MYRIP: variants seen among roughly 807,000 people sequenced by gnomAD.
The protein encoded by MYRIP is myosin VIIA and Rab interacting protein.
MYRIP carries 49 observed loss-of-function variants against 98.0 expected under a neutral mutation model. The observed-to-expected ratio is 0.50, with a 90% CI of 0.40 to 0.63. MYRIP has a LOEUF of 0.63. MYRIP is among the 30% of genes least tolerant of loss of function. The probability of loss-of-function intolerance (pLI) is 0.00; values close to 1 mark genes in which losing one functional copy is unlikely to be tolerated. For synonymous variants in MYRIP, 404 were observed against 409.5 expected (o/e 0.99, Z 0.16); for missense variants, 1,004 against 1,058.2 (o/e 0.95, Z 0.71).
chr3:39,916,013 C>T (rs1277483285), intron 2 of MYRIP, among the ~76,000 whole-genome samples: 2 of 152,010 alleles, frequency 1.3e-5, no homozygotes, highest in East Asian at 3.8e-4. Context: ...AAAAAAGACA[C>T]TTGCTAGTTA....
At chr3:40,076,533 G>C (rs913722263) in intron 3 of MYRIP, among the ~76,000 whole-genome samples, 2 of 152,190 alleles carry the variant, frequency 1.3e-5, no homozygotes, top group Non-Finnish European at 2.9e-5. Flanking sequence ...GTGCCTTAGG[G>C]CTTTATCATC....
At chr3:40,257,676 C>CA (rs1394990153) in intron 16 of MYRIP, among the ~76,000 whole-genome samples, 4 of 152,080 alleles carry the variant, frequency 2.6e-5, no homozygotes, top group African/African-American at 9.7e-5. Flanking sequence ...AAAGAATAGA[C>CA]AAAAGCACTT....
At chr3:39,820,460 C>T (rs1269121965) in intron 1 of MYRIP, among the ~76,000 whole-genome samples, 3 of 152,154 alleles carry the variant, frequency 2.0e-5, no homozygotes, top group Admixed American at 6.5e-5. Flanking sequence ...CTGACTTCCC[C>T]TTGAAAACCT....
chr3:40,046,014 T>G lies in MYRIP; in HGVS notation c.332+1743T>G, dbSNP rs1232954439. Among the ~76,000 whole-genome samples the G allele has an allele frequency of 2.0e-5, 3 of 152,132 alleles. 1 individual carries two copies. The highest frequency in any genetic ancestry group is 2.0e-4 in the Admixed American group (3 of 15,260). ...TATAGAGAAAAAGATGAATTTGTGA[T>G]TTCTAAAGTAGATCAGTTGAGTGGT... On this transcript the variant is annotated intron_variant, in intron 3 of 16. Coordinates refer to ENST00000302541, the MANE Select transcript of MYRIP (RefSeq NM_015460.4).
intron 1 of MYRIP, among the ~76,000 whole-genome samples, chr3:39,850,909 T>C (rs1942111476): frequency 6.6e-6 from 1 of 152,024 alleles, no homozygotes; most frequent in Non-Finnish European, 1.5e-5. Context: ...TTTTATTGAG[T>C]GTTCATTAGT....
intron 3 of MYRIP, among the ~76,000 whole-genome samples, chr3:40,051,260 C>A (rs1363795181): frequency 2.0e-5 from 3 of 152,102 alleles, no homozygotes; most frequent in Admixed American, 2.0e-4. Flanking sequence ...GCCAAAGCCA[C>A]CCCAAACCTC....
At chr3:40,063,680 C>A (rs1948067779) in intron 3 of MYRIP, among the ~76,000 whole-genome samples, 1 of 152,132 alleles carries the variant, frequency 6.6e-6, no homozygotes, top group African/African-American at 2.4e-5. Flanking sequence ...GTTGGGGGAA[C>A]AAACCAGGTG....
intron 11 of MYRIP, among the ~76,000 whole-genome samples, chr3:40,224,431 A>G (rs908233833): frequency 2.0e-5 from 3 of 148,716 alleles, no homozygotes; most frequent in East Asian, 4.0e-4. Context: ...AAAAAAAAAG[A>G]TCAATGGCTA....
intron 2 of MYRIP, among the ~76,000 whole-genome samples, chr3:39,921,982 C>T (rs2125691632): frequency 6.7e-6 from 1 of 150,162 alleles, no homozygotes; most frequent in Admixed American, 6.6e-5. Context: ...TTAAGTATAA[C>T]TAAAAACCCT....
intron 2 of MYRIP, among the ~76,000 whole-genome samples, chr3:39,901,803 C>A (rs1943749062): frequency 6.6e-6 from 1 of 151,966 alleles, no homozygotes; most frequent in Non-Finnish European, 1.5e-5. Flanking sequence ...TTTCATCAAA[C>A]AAGTATATAT....
intron 10 of MYRIP, among the ~76,000 whole-genome samples, chr3:40,195,038 C>T (rs779106594): frequency 1.3e-5 from 2 of 152,090 alleles, no homozygotes; most frequent in Non-Finnish European, 2.9e-5. Context: ...ATTTCTCTTT[C>T]TTTTTTTATT....
intron 1 of MYRIP, among the ~76,000 whole-genome samples, chr3:39,877,890 A>G (rs950292549): frequency 7.9e-5 from 12 of 152,362 alleles, no homozygotes; most frequent in Admixed American, 2.6e-4. Flanking sequence ...AGACAGGGAC[A>G]TATAAGTCTG....
rs558474473 is a variant in MYRIP at position 40,192,875 on chromosome 3, C to A, written c.1665+2412C>A. Among the ~76,000 whole-genome samples, 56 of 152,280 alleles carry A rather than the reference C, an allele frequency of 3.7e-4. 1 individual carries two copies. Among genetic ancestry groups the A allele is most frequent in the African/African-American group, 1.3e-3 (54 of 41,540 alleles). ...AGGTGGAGACAAAATAGCACTGGTG[C>A]AGTTGCCCATCATGCTTCTACATAG... On this transcript the variant is annotated intron_variant, in intron 10 of 16. Coordinates refer to ENST00000302541, the MANE Select transcript of MYRIP (RefSeq NM_015460.4).
intron 2 of MYRIP, among the ~76,000 whole-genome samples, chr3:40,017,797 C>T (rs114598772): frequency 0.016 from 2,330 of 148,154 alleles, 56 homozygotes; most frequent in African/African-American, 0.054. Context: ...TAAGGCCAGA[C>T]TGTGAGTTTT....
chr3:40,092,535 C>T (rs547566958), intron 3 of MYRIP, among the ~76,000 whole-genome samples: 1 of 152,276 alleles, frequency 6.6e-6, no homozygotes, highest in East Asian at 1.9e-4. Flanking sequence ...TAGGATCCCT[C>T]TTTTAACATG....
intron 2 of MYRIP, among the ~76,000 whole-genome samples, chr3:39,951,868 G>A (rs1945024704): frequency 6.6e-6 from 1 of 152,016 alleles, no homozygotes; most frequent in Non-Finnish European, 1.5e-5. Flanking sequence ...CTTTTCAGTT[G>A]CTATGATGTT....
At chr3:39,951,891 C>T (rs769351827) in intron 2 of MYRIP, among the ~76,000 whole-genome samples, 19 of 152,024 alleles carry the variant, frequency 1.2e-4, no homozygotes, top group African/African-American at 3.1e-4. Context: ...TCTTTTTAAA[C>T]GCGCTTTATG....
chr3:39,949,153 G>T (rs1165496808), intron 2 of MYRIP, among the ~76,000 whole-genome samples: 1 of 152,116 alleles, frequency 6.6e-6, no homozygotes, highest in Non-Finnish European at 1.5e-5. Context: ...AGAAGCTTAT[G>T]AATTTGCTTT....
intron 4 of MYRIP, among the ~76,000 whole-genome samples, chr3:40,159,133 C>A (rs994487605): frequency 6.6e-6 from 1 of 152,006 alleles, no homozygotes; most frequent in Non-Finnish European, 1.5e-5. Flanking sequence ...TGGCTGGTAT[C>A]GGTTGTTCCT....
Sources: allele counts gnomAD v4.1 joint callset (sites outside exome capture counted in the v4.1 genomes callset), GRCh38; gene constraint gnomAD v4.1.1; transcripts MANE v1.5; gene names NCBI Gene and HGNC (gene_info 2026-07-23, HGNC 2026-07-21).